Variants in CRISPLD1 observed in about 807,000 individuals in gnomAD.
The protein encoded by CRISPLD1 is cysteine-rich secretory protein LCCL domain-containing 1.
Under a neutral mutation model 77.5 loss-of-function variants are expected in CRISPLD1, and 60 were observed. The ratio of observed to expected loss-of-function variants is 0.77; its 90% CI spans 0.63 to 0.96. CRISPLD1 has a LOEUF of 0.96. Ranked by LOEUF, CRISPLD1 falls within the 40% of genes least tolerant of loss-of-function variation. The pLI, the probability that CRISPLD1 is intolerant of heterozygous loss-of-function variation, is 0.00. For synonymous variants in CRISPLD1, 195 were observed against 200.1 expected, an observed-to-expected ratio of 0.97 and a Z score of 0.22; for missense variants, 623 against 615.8, an observed-to-expected ratio of 1.01 and a Z score of -0.12.
At chr8:74,990,559 T>C (rs1485428672) in intron 2 of CRISPLD1, among the ~76,000 whole-genome samples, 2 of 152,146 alleles carry the variant, frequency 1.3e-5, no homozygotes, top group African/African-American at 4.8e-5. Context: ...TATCTCCAGC[T>C]GACAGCCTTG....
chr8:74,993,619 C>T (rs1394323869), intron 2 of CRISPLD1, among the ~76,000 whole-genome samples: 1 of 151,998 alleles, frequency 6.6e-6, no homozygotes, highest in Non-Finnish European at 1.5e-5. Flanking sequence ...GATGACAATA[C>T]CTATAGAAAA....
intron 13 of CRISPLD1, among the ~76,000 whole-genome samples, chr8:75,028,608 T>C (rs1563404128): frequency 6.6e-6 from 1 of 152,188 alleles, no homozygotes; most frequent in Non-Finnish European, 1.5e-5. Flanking sequence ...ATCTGACTTT[T>C]AGAATTCAGT....
intron 2 of CRISPLD1, among the ~76,000 whole-genome samples, chr8:74,999,760 A>C (rs1179220231): frequency 6.6e-6 from 1 of 150,522 alleles, no homozygotes; most frequent in African/African-American, 2.5e-5. Context: ...GGAAAATGAA[A>C]TTTCTTTTTC....
intron 2 of CRISPLD1, among the ~76,000 whole-genome samples, chr8:75,001,599 A>G (rs1303033978): frequency 2.6e-5 from 4 of 152,232 alleles, no homozygotes; most frequent in African/African-American, 9.6e-5. Flanking sequence ...GGTAGAAGTT[A>G]CCGTCATTGT....
chr8:75,031,405 A>C (rs1813343346), intron 14 of CRISPLD1, among the ~76,000 whole-genome samples: 1 of 152,112 alleles, frequency 6.6e-6, no homozygotes, highest in African/African-American at 2.4e-5. Flanking sequence ...AATAATGATT[A>C]ATGGTACTAC....
chr8:75,029,470 A>G lies in CRISPLD1; in HGVS notation c.1404A>G (p.Lys468=). ...ATGTTGATGTAATGCCTGTGGACAA[A>G]AGAAAGACCTACATTGCTTCTTTTC... ...GGYVDVMPVD[K]RKTYIASFQN... Residue 468 remains lysine (K), a synonymous_variant, in exon 14 of 15, where the codon AAA becomes AAG. Transcript: ENST00000262207. The G allele has an allele frequency of 6.2e-7, 1 of 1,613,896 alleles. No homozygotes were observed. The highest frequency in any genetic ancestry group is 8.5e-7 in the Non-Finnish European group (1 of 1,179,818).
At chr8:75,017,936 A>G (rs1046507174) in intron 10 of CRISPLD1, among the ~76,000 whole-genome samples, 1 of 152,188 alleles carries the variant, frequency 6.6e-6, no homozygotes, top group African/African-American at 2.4e-5. Context: ...GTATCCCAAT[A>G]TAAAAGCATT....
intron 2 of CRISPLD1, among the ~76,000 whole-genome samples, chr8:75,002,143 G>T (rs7006368): frequency 0.1 from 15,849 of 151,824 alleles, 893 homozygotes; most frequent in South Asian, 0.12. Flanking sequence ...TGTAATTCAT[G>T]TTGTCTTAAA....
chr8:75,027,166 C>T (rs10957748), intron 13 of CRISPLD1, among the ~76,000 whole-genome samples: 53,441 of 151,836 alleles, frequency 0.35, 10,340 homozygotes, highest in African/African-American at 0.52. Flanking sequence ...GTAAGTTTCT[C>T]AAGGGCAGCA....
Position 75,019,925 on chromosome 8 carries a change from C to G in CRISPLD1, c.1171+12C>G. The G allele has an allele frequency of 6.2e-7, 1 of 1,612,426 alleles. No homozygotes were observed. The highest frequency in any genetic ancestry group is 8.5e-7 in the Non-Finnish European group (1 of 1,178,446). On this transcript the variant is annotated intron_variant, in intron 11 of 14. Coordinates refer to ENST00000262207, the MANE Select transcript of CRISPLD1 (RefSeq NM_031461.6). ...CTCTAAAGTAACAGGTTAGCACATT[C>G]TTCATCTTATTTTCTTAGTACTGTG... is the stretch of plus-strand genomic sequence containing the variant.
At chr8:74,998,834 G>T (rs1049259957) in intron 2 of CRISPLD1, among the ~76,000 whole-genome samples, 56 of 151,934 alleles carry the variant, frequency 3.7e-4, no homozygotes, top group Admixed American at 3.1e-3. Flanking sequence ...ACTCTGTCCA[G>T]CCACTTTACA....
At chr8:74,999,088 A>G (rs1812692198) in intron 2 of CRISPLD1, among the ~76,000 whole-genome samples, 1 of 152,172 alleles carries the variant, frequency 6.6e-6, no homozygotes, top group Non-Finnish European at 1.5e-5. Flanking sequence ...TGACCCAAAT[A>G]TGTAACTTGG....
intron 7 of CRISPLD1, 76 bp downstream of exon 7, chr8:75,016,781 A>G: frequency 6.4e-7 from 1 of 1,558,296 alleles, no homozygotes; most frequent in East Asian, 2.3e-5. Context: ...ATTAATTTGA[A>G]CATTTTTAGA....
intron 10 of CRISPLD1, among the ~76,000 whole-genome samples, chr8:75,018,783 G>T (rs1813082180): frequency 6.6e-6 from 1 of 151,764 alleles, no homozygotes; most frequent in African/African-American, 2.4e-5. Flanking sequence ...GTAGAGATGG[G>T]GTTTCATCAG....
At position 74,990,665 on chromosome 8, in the gene CRISPLD1, A is replaced by G. The variant is rs1010203591; in HGVS notation, c.258+4420A>G. ...AATACTGCACACTGCAAGTGTCAAA[A>G]CAAAAACAAAAAAACTGCCTTATCC... On this transcript the variant is annotated intron_variant, in intron 2 of 14. Coordinates refer to ENST00000262207, the MANE Select transcript of CRISPLD1 (RefSeq NM_031461.6). 2.0e-5 allele frequency among the ~76,000 whole-genome samples: 3 copies of G among 151,984 alleles called. No individual in the cohort carries two copies. The South Asian group carries it at 6.2e-4, about 32-fold the overall frequency.
intron 12 of CRISPLD1, among the ~76,000 whole-genome samples, chr8:75,023,025 T>C (rs1283065897): frequency 1.3e-5 from 2 of 149,938 alleles, no homozygotes; most frequent in African/African-American, 4.9e-5. Context: ...AAAGTAGATA[T>C]TAAAGTATGT....
rs752471297 is a variant in CRISPLD1, at chr8:75,029,409, CAGTACATGCTGG to C, written c.1347_1358del (p.His450_Val453del). The C allele has an allele frequency of 3.7e-6, 6 of 1,613,038 alleles. No homozygotes were observed. The highest frequency in any genetic ancestry group is 5.1e-6 in the Non-Finnish European group (6 of 1,179,520). ...CAGCTGTCCAGTATCTGCAGAGCAG[CAGTACATGCTGG>C]AGTGGTTCGAAATCACGGTGGTTAT... On this transcript the variant is annotated inframe_deletion, in exon 14 of 15. Coordinates refer to ENST00000262207, the MANE Select transcript of CRISPLD1 (RefSeq NM_031461.6).
intron 12 of CRISPLD1, among the ~76,000 whole-genome samples, chr8:75,024,738 A>G (rs182384206): frequency 1.3e-5 from 2 of 152,304 alleles, no homozygotes; most frequent in Admixed American, 1.3e-4. Context: ...TAGACAGTAG[A>G]TGATAGAGCC....
rs1375805784 is a variant in CRISPLD1 at position 75,033,741 on chromosome 8, T to G, written c.*1499T>G. ...AGGTTCACATAAATAGCTTCTGGAGTGCAAATTATAAAGACATCAACATTT... is the reference window on the plus strand; with the variant it reads ...AGGTTCACATAAATAGCTTCTGGAGGGCAAATTATAAAGACATCAACATTT... On this transcript the variant is annotated 3_prime_UTR_variant, in exon 15 of 15. Coordinates refer to ENST00000262207, the MANE Select transcript of CRISPLD1 (RefSeq NM_031461.6). 6.6e-6 allele frequency: 1 copy of G among 151,864 alleles called. No individual in the cohort carries two copies. Among genetic ancestry groups the G allele is most frequent in the Non-Finnish European group, 1.5e-5 (1 of 67,850 alleles). 9.4% of individuals were successfully genotyped at this position (151,864 alleles called of 1,614,324 possible). A position where few individuals can be genotyped will look rare whatever the true frequency, so the allele number is the denominator to read the frequency against.
Sources: gnomAD v4.1 joint callset for allele counts (sites outside exome capture counted in the v4.1 genomes callset) on GRCh38, gnomAD v4.1.1 for gene constraint, MANE v1.5 for transcripts, NCBI Gene and HGNC (gene_info 2026-07-23, HGNC 2026-07-21) for gene names.